Variants in ZNF729 observed in about 807,000 individuals in gnomAD.
ZNF729 encodes zinc finger protein 729.
ZNF729 carries 15 observed loss-of-function variants against 12.2 expected under a neutral mutation model. The ratio of observed to expected loss-of-function variants is 1.23; its 90% CI spans 0.82 to 1.89. The LOEUF (loss-of-function observed/expected upper bound fraction) is 1.89, where lower values mean the gene tolerates loss of function less well. ZNF729 is among the 40% of genes most tolerant of loss of function. ZNF729 has a pLI of 0.00. For synonymous variants in ZNF729, 492 were observed against 476.3 expected (o/e 1.03, Z -0.43); for missense variants, 1,540 against 1,456.7 (o/e 1.06, Z -0.93).
At chr19:22,292,915 TTC>T (rs1337651011) in intron 1 of ZNF729, among the ~76,000 whole-genome samples, 3 of 152,186 alleles carry the variant, frequency 2.0e-5, no homozygotes, top group Admixed American at 6.5e-5. Flanking sequence ...CAAATGGTAA[TTC>T]TCTTTTTAGT....
intron 3 of ZNF729, among the ~76,000 whole-genome samples, chr19:22,310,393 A>G (rs1249928129): frequency 1.3e-5 from 2 of 152,078 alleles, no homozygotes; most frequent in Non-Finnish European, 2.9e-5. Flanking sequence ...CAATTTTGCT[A>G]AGAGTTTTAA....
chr19:22,286,661 C>T, intron 1 of ZNF729, 106 bp downstream of exon 1: 1 of 1,413,868 alleles, frequency 7.1e-7, no homozygotes, highest in Non-Finnish European at 1.0e-6. Flanking sequence ...GCTCCACAAT[C>T]TGCGCCTGGA....
In ZNF729 at chr19:22,304,724, T is replaced by A. The variant is rs200718363; in HGVS notation, c.194T>A (p.Leu65Gln). The stretch of plus-strand genomic sequence containing the variant: ...TTTAAGCCAGACTTGATAACTTGTC[T>A]GAAGCAAGGGAAAGAGCCTTGGAAT... ...AVFKPDLITC[L>Q]KQGKEPWNMK... is the part of the protein sequence containing the mutation. The change falls in exon 3 of 4, where the codon CTG becomes CAG. Residue 65 changes from leucine (L) to glutamine (Q), a missense_variant. Coordinates refer to ENST00000601693, the MANE Select transcript of ZNF729 (RefSeq NM_001242680.2). 5.0e-5 allele frequency: 80 copies of A among 1,613,246 alleles called. No individual in the cohort carries two copies. The highest frequency in any genetic ancestry group is 6.8e-6 in the Non-Finnish European group (8 of 1,179,686).
intron 1 of ZNF729, among the ~76,000 whole-genome samples, chr19:22,294,877 G>A (rs998369761): frequency 7.9e-5 from 12 of 151,832 alleles, no homozygotes; most frequent in Admixed American, 3.9e-4. Context: ...GGCTGGTTTC[G>A]ATCTCCTGAC....
At chr19:22,288,224 ATAT>A (rs913809128) in intron 1 of ZNF729, among the ~76,000 whole-genome samples, 2 of 151,462 alleles carry the variant, frequency 1.3e-5, no homozygotes, top group African/African-American at 4.9e-5. Flanking sequence ...ACTTTTCCTA[ATAT>A]TTGTTTTCTG....
rs1034360863 is a variant in ZNF729 at position 22,309,856 on chromosome 19, ATTTG to A, written c.254-3809_254-3806del. On this transcript the variant is annotated intron_variant, in intron 3 of 3. Coordinates refer to ENST00000601693, the MANE Select transcript of ZNF729 (RefSeq NM_001242680.2). ...ATCGATGAGCATGGGCTGTGTTTCCATTTGTTTGTGTCATCTGTGGTTTCTTTTA... is the reference window on the plus strand; with the variant it reads ...ATCGATGAGCATGGGCTGTGTTTCCATTTGTGTCATCTGTGGTTTCTTTTA... Among the ~76,000 whole-genome samples, 13 of 151,344 alleles carry A rather than the reference ATTTG, an allele frequency of 8.6e-5. 1 individual carries two copies. Among genetic ancestry groups the A allele is most frequent in the South Asian group, 2.1e-4 (1 of 4,814 alleles).
intron 3 of ZNF729, among the ~76,000 whole-genome samples, chr19:22,312,105 A>C (rs990952007): frequency 2.0e-5 from 3 of 152,064 alleles, no homozygotes; most frequent in African/African-American, 7.2e-5. Flanking sequence ...TTAGGGGAAG[A>C]GGTATCCTCA....
intron 3 of ZNF729, among the ~76,000 whole-genome samples, chr19:22,307,294 CTG>C (rs1295078597): frequency 6.8e-6 from 1 of 146,624 alleles, no homozygotes; most frequent in Non-Finnish European, 1.5e-5. Context: ...GCATGAGCCA[CTG>C]TGCGTGTCCA....
chr19:22,313,841 C>A lies in ZNF729; in HGVS notation c.424C>A (p.Leu142Ile). ...GATGCACAAAGAAGGTTATAATAAA[C>A]TTAACCAATGCAGGACAGCTACCCA... is the stretch of plus-strand genomic sequence containing the variant. ...GKMHKEGYNK[L>I]NQCRTATQRK... Residue 142 changes from leucine to isoleucine, a missense_variant, in exon 4 of 4, where the codon CTT (leucine) becomes ATT (isoleucine). Physicochemically the swap from Leu to Ile is conservative, Grantham distance 5. Transcript: ENST00000601693. 1 of 1,579,278 alleles carries A rather than the reference C, an allele frequency of 6.3e-7. No individual in the cohort carries two copies. The highest frequency in any genetic ancestry group is 1.9e-5 in the Admixed American group (1 of 53,634).
Position 22,303,759 on chromosome 19 carries a change from G to C in ZNF729, c.32G>C (p.Gly11Ala). 6.4e-7 allele frequency: 1 copy of C among 1,555,238 alleles called. No homozygotes were observed. Residue 11 changes from glycine to alanine, a missense_variant and splice_region_variant, in exon 2 of 4, where the codon GGA (glycine) becomes GCA (alanine). Transcript: ENST00000601693. ...TGTGTCTTTCGTTGTGTTTTTCAGG[G>C]ACCATTGACATTTAGAGATGTGACC... MPGAPGSLEM[G>A]PLTFRDVTIE...
At chr19:22,301,118 A>C (rs1313537949) in intron 1 of ZNF729, among the ~76,000 whole-genome samples, 24 of 152,204 alleles carry the variant, frequency 1.6e-4, no homozygotes, top group Admixed American at 1.6e-3. Context: ...CACACTGGAC[A>C]CTATAACTTG....
chr19:22,313,829 G>C lies in ZNF729; in HGVS notation c.412G>C (p.Gly138Arg), dbSNP rs558533327. ...CAATGAGGGTAAGATGCACAAAGAA[G>C]GTTATAATAAACTTAACCAATGCAG... ...SANEGKMHKEGYNKLNQCRTA... is the reference protein window; with the variant it reads ...SANEGKMHKERYNKLNQCRTA... Residue 138 changes from glycine to arginine, a missense_variant, in exon 4 of 4, where the codon GGT becomes CGT. Gly to Arg is a moderately radical substitution (Grantham distance 125). Transcript: ENST00000601693. 1.7e-5 allele frequency: 27 copies of C among 1,584,560 alleles called. No homozygotes were observed. In the East Asian group the frequency reaches 3.2e-4, roughly 19 times the overall value.
intron 1 of ZNF729, among the ~76,000 whole-genome samples, chr19:22,289,370 C>T (rs1042057869): frequency 6.6e-5 from 10 of 151,722 alleles, no homozygotes; most frequent in East Asian, 1.9e-4. Flanking sequence ...GGACTACAGG[C>T]GCCCGCCACC....
intron 2 of ZNF729, 110 bp downstream of exon 2, chr19:22,303,994 C>T: frequency 8.8e-7 from 1 of 1,139,300 alleles, no homozygotes; most frequent in Non-Finnish European, 1.2e-6. Flanking sequence ...AGTTTCACAT[C>T]CCTGTTTTCT....
At chr19:22,311,292 C>G (rs575170342) in intron 3 of ZNF729, among the ~76,000 whole-genome samples, 1 of 151,940 alleles carries the variant, frequency 6.6e-6, no homozygotes, top group South Asian at 2.1e-4. Context: ...TTTAGAGTGT[C>G]TGTGTTCTTT....
intron 1 of ZNF729, among the ~76,000 whole-genome samples, chr19:22,296,075 G>A (rs988459971): frequency 2.0e-5 from 3 of 152,084 alleles, no homozygotes; most frequent in Non-Finnish European, 4.4e-5. Flanking sequence ...AGGAATATTG[G>A]CCTGAAGTTT....
chr19:22,303,652 T>G (rs1968343636), intron 1 of ZNF729, 106 bp from the exon 2 acceptor site: 1 of 1,108,478 alleles, frequency 9.0e-7, no homozygotes, highest in Admixed American at 2.7e-5. Context: ...TCCCTATAAG[T>G]TAGAATCTGT....
chr19:22,307,803 T>TTG, intron 3 of ZNF729, among the ~76,000 whole-genome samples: 3 of 107,668 alleles, frequency 2.8e-5, no homozygotes, highest in African/African-American at 2.5e-4. Flanking sequence ...GCTCTGTGTT[T>TTG]TTTTTTTTTT....
intron 1 of ZNF729, among the ~76,000 whole-genome samples, chr19:22,288,618 C>T (rs1453622052): frequency 6.6e-6 from 1 of 152,110 alleles, no homozygotes; most frequent in Admixed American, 6.6e-5. Flanking sequence ...CTGGCATACT[C>T]TTCCTTTGAA....
Sources: allele counts gnomAD v4.1 joint callset (sites outside exome capture counted in the v4.1 genomes callset), GRCh38; gene constraint gnomAD v4.1.1; transcripts MANE v1.5; gene names NCBI Gene and HGNC (gene_info 2026-07-23, HGNC 2026-07-21).